ELOA2: variants seen among roughly 807,000 people sequenced by gnomAD.
ELOA2 encodes elongin A2.
For synonymous variants in ELOA2, 497 were observed against 398.8 expected (o/e 1.25, Z -2.94); for missense variants, 1,271 against 979.7 (o/e 1.30, Z -3.97).
chr18:47,034,802 T>C lies in ELOA2; in HGVS notation c.463A>G (p.Arg155Gly), dbSNP rs1380878683. Residue 155 changes from arginine to glycine, a missense_variant, in exon 1 of 1, where the codon AGA becomes GGA. By Grantham distance (125) the Arg-to-Gly change is moderately radical. Transcript: ENST00000332567. ...RSHSREPRAERKCPRIAPADS... is the reference protein window; with the variant it reads ...RSHSREPRAEGKCPRIAPADS... ...GCTGGGGCTATTCTGGGGCACTTTC[T>C]CTCAGCTCTGGGCTCGCGACTGTGA... 42 of 1,612,328 alleles carry C rather than the reference T, an allele frequency of 2.6e-5. No homozygotes were observed. Among genetic ancestry groups the C allele is most frequent in the Non-Finnish European group, 3.4e-5 (40 of 1,179,698 alleles).
Position 47,033,191 on chromosome 18 carries a change from C to T in ELOA2, c.2074G>A (p.Gly692Ser). The change falls in exon 1 of 1, where the codon GGC becomes AGC. Residue 692 changes from glycine (G) to serine (S), a missense_variant. Coordinates refer to ENST00000332567, the MANE Select transcript of ELOA2 (RefSeq NM_016427.3). ...CTGCTGCTGCTGTCTCTGCCACCGC[C>T]GCTGCTGCTCTGGCTGGAGGGAGTG... The part of the protein sequence containing the change: ...SHTPSSQSSS[G>S]GGRDSSSSIL... The T allele has an allele frequency of 1.2e-6, 2 of 1,614,124 alleles. No homozygotes were observed. Among genetic ancestry groups the T allele is most frequent in the Non-Finnish European group, 1.7e-6 (2 of 1,180,034 alleles).
Position 47,032,621 on chromosome 18 carries a change from C to A in ELOA2, c.*382G>T. ...CGGAGTTATCAGTGTCAACTAATGG[C>A]TTGTGTGTTTTTGTCTAAGAAGTTC... On this transcript the variant is annotated 3_prime_UTR_variant, in exon 1 of 1. Coordinates refer to ENST00000332567, the MANE Select transcript of ELOA2 (RefSeq NM_016427.3). The A allele has an allele frequency of 3.3e-6, 1 of 299,450 alleles. No individual in the cohort carries two copies. Among genetic ancestry groups the A allele is most frequent in the Non-Finnish European group, 6.2e-6 (1 of 160,120 alleles). The allele number at this position is 299,450 out of a possible 1,614,324, so 18.5% of individuals were successfully genotyped here.
In ELOA2 at chr18:47,034,091, A is replaced by G. The variant is rs768688500; in HGVS notation, c.1174T>C (p.Leu392=). ...CCAGTCTTTTTCTTTTGCTTCCGCA[A>G]CTGATCGTAGGTGAGGTATTTTTCA... The part of the protein sequence containing the change: ...SCEKYLTYDQ[L]RKQKKKTGKS... The change falls in exon 1 of 1, where the codon TTG becomes CTG. Residue 392 remains leucine (L), a synonymous_variant. Transcript: ENST00000332567. 3 of 1,614,032 alleles carry G rather than the reference A, an allele frequency of 1.9e-6. No homozygotes were observed. In the East Asian group the frequency reaches 6.7e-5, roughly 36 times the overall value.
rs2060667671 is a variant in ELOA2, at chr18:47,034,604, C to T, written c.661G>A (p.Val221Met). 1 of 1,614,066 alleles carries T rather than the reference C, an allele frequency of 6.2e-7. No individual in the cohort carries two copies. Among genetic ancestry groups the T allele is most frequent in the Non-Finnish European group, 8.5e-7 (1 of 1,180,002 alleles). The change falls in exon 1 of 1, where the codon GTG (valine) becomes ATG (methionine). Residue 221 changes from valine (V) to methionine (M), a missense_variant. Physicochemically the swap from Val to Met is conservative, Grantham distance 21. Coordinates refer to ENST00000332567, the MANE Select transcript of ELOA2 (RefSeq NM_016427.3). ...CQGQPQGKAV[V>M]SHSKGHKSSR... ...GATTTGTGCCCCTTGCTGTGGCTCA[C>T]AACGGCTTTCCCCTGGGGTTGGCCC... is the stretch of plus-strand genomic sequence containing the variant.
chr18:47,032,748 G>T lies in ELOA2; in HGVS notation c.*255C>A. 3.3e-6 allele frequency: 2 copies of T among 608,718 alleles called. No homozygotes were observed. The highest frequency in any genetic ancestry group is 5.6e-6 in the Non-Finnish European group (2 of 359,284). 37.7% of individuals were successfully genotyped at this position (608,718 alleles called of 1,614,324 possible). On this transcript the variant is annotated 3_prime_UTR_variant, in exon 1 of 1. Transcript: ENST00000332567. ...TAGGGTGTTTTTAAAAATTATCAGT[G>T]AACATCCAAAATAGAATTGTTCCCA...
chr18:47,035,253 C>T lies in ELOA2; in HGVS notation c.12G>A (p.Gly4=), dbSNP rs995614452. 1 of 1,612,720 alleles carries T rather than the reference C, an allele frequency of 6.2e-7. No homozygotes were observed. Among genetic ancestry groups the T allele is most frequent in the Non-Finnish European group, 8.5e-7 (1 of 1,179,810 alleles). ...TCTCCACTGCGTGCAGCGTAGTGGACCCTGCCGCCATCTCACCAGAGCTGT... is the reference window on the plus strand; with the variant it reads ...TCTCCACTGCGTGCAGCGTAGTGGATCCTGCCGCCATCTCACCAGAGCTGT... MAA[G]STTLHAVEKL... is the part of the protein sequence containing the mutation. The change falls in exon 1 of 1, where the codon GGG becomes GGA. Residue 4 remains glycine (G), a synonymous_variant. Transcript: ENST00000332567.
At position 47,032,696 on chromosome 18, in the gene ELOA2, A is replaced by G. The variant is rs564485503; in HGVS notation, c.*307T>C. On this transcript the variant is annotated 3_prime_UTR_variant, in exon 1 of 1. Transcript: ENST00000332567. ...AAAGAAAGGAAAAAGGAAATCTCAC[A>G]TCTTTTTCCTTATTTATGATTACAA... is the stretch of plus-strand genomic sequence containing the variant. 6 of 449,096 alleles carry G rather than the reference A, an allele frequency of 1.3e-5. No individual in the cohort carries two copies. Among genetic ancestry groups the G allele is most frequent in the African/African-American group, 1.2e-4 (6 of 50,400 alleles). The allele number at this position is 449,096 out of a possible 1,614,324, so 27.8% of individuals were successfully genotyped here. A position where few individuals can be genotyped will look rare whatever the true frequency, so the allele number is the denominator to read the frequency against.
chr18:47,034,563 T>C lies in ELOA2; in HGVS notation c.702A>G (p.Lys234=). The C allele has an allele frequency of 6.2e-7, 1 of 1,614,092 alleles. No homozygotes were observed. Among genetic ancestry groups the C allele is most frequent in the Non-Finnish European group, 8.5e-7 (1 of 1,179,992 alleles). The change falls in exon 1 of 1, where the codon AAA becomes AAG. Residue 234 remains lysine, a synonymous_variant. Transcript: ENST00000332567. ...SKGHKSSRQE[K]RPLCAQGDWH... ...AATCTCCCTGGGCACACAAGGGGCG[T>C]TTTTCCTGGCGAGACGATTTGTGCC...
Position 47,034,961 on chromosome 18 carries a change from C to T in ELOA2, c.304G>A (p.Ala102Thr), listed in dbSNP as rs201576344. 119 of 1,611,778 alleles carry T rather than the reference C, an allele frequency of 7.4e-5. 1 individual carries two copies. Among genetic ancestry groups the T allele is most frequent in the Non-Finnish European group, 4.2e-5 (50 of 1,179,684 alleles). Residue 102 changes from alanine to threonine, a missense_variant, in exon 1 of 1, where the codon GCT (alanine) becomes ACT (threonine). By Grantham distance (58) the Ala-to-Thr change is moderately conservative. Coordinates refer to ENST00000332567, the MANE Select transcript of ELOA2 (RefSeq NM_016427.3). ...CAGGCCTTTTCCTGGTCCTGAAGAG[C>T]CTCCCCGAAGCGCTGTCGGGAAGCG... ...ESASRQRFGE[A>T]LQDQEKAWGF... is the part of the protein sequence containing the mutation.
Position 47,032,926 on chromosome 18 carries a change from G to A in ELOA2, c.*77C>T. 6.2e-7 allele frequency: 1 copy of A among 1,610,150 alleles called. No individual in the cohort carries two copies. Among genetic ancestry groups the A allele is most frequent in the South Asian group, 1.1e-5 (1 of 90,884 alleles). ...TTAAAGGTTCTGGTGTCCATTGGAA[G>A]TTTCGTTCCCCAACCCGCATTGACT... On this transcript the variant is annotated 3_prime_UTR_variant, in exon 1 of 1. Coordinates refer to ENST00000332567, the MANE Select transcript of ELOA2 (RefSeq NM_016427.3).
rs1326746644 is a variant in ELOA2 at position 47,035,416 on chromosome 18, C to T, written c.-152G>A. ...AGTCACAGCCTGGAGCGAGCTGGGT[C>T]CTCGGAGCAGCAGGCCACTTGGTCT... On this transcript the variant is annotated 5_prime_UTR_variant, in exon 1 of 1. Coordinates refer to ENST00000332567, the MANE Select transcript of ELOA2 (RefSeq NM_016427.3). 2.0e-5 allele frequency: 29 copies of T among 1,465,426 alleles called. No individual in the cohort carries two copies. Among genetic ancestry groups the T allele is most frequent in the Non-Finnish European group, 2.6e-5 (29 of 1,102,156 alleles). 90.8% of individuals were successfully genotyped at this position (1,465,426 alleles called of 1,614,324 possible).
At position 47,033,817 on chromosome 18, in the gene ELOA2, A is replaced by G; in HGVS notation, c.1448T>C (p.Met483Thr). 2 of 1,614,208 alleles carry G rather than the reference A, an allele frequency of 1.2e-6. No individual in the cohort carries two copies. Among genetic ancestry groups the G allele is most frequent in the South Asian group, 2.2e-5 (2 of 91,086 alleles). Residue 483 changes from methionine to threonine, a missense_variant, in exon 1 of 1, where the codon ATG (methionine) becomes ACG (threonine). By Grantham distance (81) the Met-to-Thr change is moderately conservative. Transcript: ENST00000332567. ...TGCTTCTGGCTTTGCCTGGGAGGTC[A>G]TGGAGTCAGAATCCGAAAGCGGATC... ...NYDPLSDSDS[M>T]TSQAKPEALS...
Position 47,033,566 on chromosome 18 carries a change from G to T in ELOA2, c.1699C>A (p.Leu567Met), listed in dbSNP as rs1418585061. 1 of 1,614,048 alleles carries T rather than the reference G, an allele frequency of 6.2e-7. No individual in the cohort carries two copies. Among genetic ancestry groups the T allele is most frequent in the Non-Finnish European group, 8.5e-7 (1 of 1,180,036 alleles). The change falls in exon 1 of 1, where the codon CTG (leucine) becomes ATG (methionine). Residue 567 changes from leucine (L) to methionine (M), a missense_variant. Transcript: ENST00000332567. Reference sequence around the variant, plus strand: ...TGATTGTCTTTCTTTCTGCGATACAGCTGATCGGGCCTCCACCCTTCCAGA... The same window carrying T: ...TGATTGTCTTTCTTTCTGCGATACATCTGATCGGGCCTCCACCCTTCCAGA... ...PVLEGWRPDQ[L>M]YRRKKDNHAL...
chr18:47,034,989 CTCCTCAGGG>C lies in ELOA2; in HGVS notation c.267_275del (p.Asp89_Glu91del). 1 of 1,611,618 alleles carries C rather than the reference CTCCTCAGGG, an allele frequency of 6.2e-7. No homozygotes were observed. Among genetic ancestry groups the C allele is most frequent in the Non-Finnish European group, 8.5e-7 (1 of 1,179,548 alleles). The stretch of plus-strand genomic sequence containing the variant: ...CCCCGAAGCGCTGTCGGGAAGCGCT[CTCCTCAGGG>C]TCCTGTGGGCCAGGCCGGGTGTTTC... On this transcript the variant is annotated inframe_deletion, in exon 1 of 1. Transcript: ENST00000332567.
the ELOA2 span, chr18:47,034,692 CT>C: frequency 6.2e-7 from 1 of 1,613,118 alleles, no homozygotes; most frequent in Non-Finnish European, 8.5e-7. Context: ...TTCCGGGTTG[CT>C]TCCCGGGCGC....
In ELOA2 at chr18:47,032,647, T is replaced by C. The variant is rs1393333710; in HGVS notation, c.*356A>G. 21 of 344,682 alleles carry C rather than the reference T, an allele frequency of 6.1e-5. 1 individual carries two copies. In the South Asian group the frequency reaches 7.0e-4, roughly 11 times the overall value. The allele number at this position is 344,682 out of a possible 1,614,324, so 21.4% of individuals were successfully genotyped here. A position where few individuals can be genotyped will look rare whatever the true frequency, so the allele number is the denominator to read the frequency against. On this transcript the variant is annotated 3_prime_UTR_variant, in exon 1 of 1. Coordinates refer to ENST00000332567, the MANE Select transcript of ELOA2 (RefSeq NM_016427.3). ...TTGTGTGTTTTTGTCTAAGAAGTTC[T>C]TATCTACTTGATTTCGAAAAAAAAA...
rs758165309 is a variant in ELOA2, at chr18:47,033,072, A to T, written c.2193T>A (p.Ala731=). Residue 731 remains alanine, a synonymous_variant, in exon 1 of 1, where the codon GCT becomes GCA. Transcript: ENST00000332567. ...CCATCAGCGGGGCCACTTTCTTGGC[A>T]GCCTGTTTCCGGGTTTTGGCCGCGG... ...AAPAAKTRKQ[A]AKKVAPLMAK... is the part of the protein sequence containing the mutation. The T allele has an allele frequency of 6.2e-7, 1 of 1,614,140 alleles. No homozygotes were observed. Among genetic ancestry groups the T allele is most frequent in the Admixed American group, 1.7e-5 (1 of 60,034 alleles).
In ELOA2 at chr18:47,033,343, A is replaced by G; in HGVS notation, c.1922T>C (p.Met641Thr). ...CTTGGCCACAGATTTGAAACAGATC[A>G]TCTTTGCCTCTCTGCCGTTGGGGTT... ...GNNPNGREAK[M>T]ICFKSVAKTP... Residue 641 changes from methionine (M) to threonine (T), a missense_variant, in exon 1 of 1, where the codon ATG becomes ACG. Transcript: ENST00000332567. 2 of 1,613,948 alleles carry G rather than the reference A, an allele frequency of 1.2e-6. No homozygotes were observed. The highest frequency in any genetic ancestry group is 8.5e-7 in the Non-Finnish European group (1 of 1,180,028).
rs1041595079 is a variant in ELOA2 at position 47,033,568 on chromosome 18, T to C, written c.1697A>G (p.Gln566Arg). 1 of 1,614,080 alleles carries C rather than the reference T, an allele frequency of 6.2e-7. No individual in the cohort carries two copies. Among genetic ancestry groups the C allele is most frequent in the Non-Finnish European group, 8.5e-7 (1 of 1,180,048 alleles). ...EPVLEGWRPD[Q>R]LYRRKKDNHA... ...ATTGTCTTTCTTTCTGCGATACAGC[T>C]GATCGGGCCTCCACCCTTCCAGAAC... The change falls in exon 1 of 1, where the codon CAG (glutamine) becomes CGG (arginine). Residue 566 changes from glutamine to arginine, a missense_variant. Gln to Arg is a conservative substitution (Grantham distance 43). Coordinates refer to ENST00000332567, the MANE Select transcript of ELOA2 (RefSeq NM_016427.3).
Sources: allele counts gnomAD v4.1 joint callset, GRCh38; gene constraint gnomAD v4.1.1; transcripts MANE v1.5; gene names NCBI Gene and HGNC (gene_info 2026-07-23, HGNC 2026-07-21).